SLC2A14: variants seen among roughly 807,000 people sequenced by gnomAD.
The protein encoded by SLC2A14 is solute carrier family 2, facilitated glucose transporter member 14.
Under a neutral mutation model 43.0 loss-of-function variants are expected in SLC2A14, and 13 were observed. The ratio of observed to expected loss-of-function variants is 0.30; its 90% CI spans 0.20 to 0.48. The LOEUF (loss-of-function observed/expected upper bound fraction) is 0.48. Among genes scored for constraint, SLC2A14 ranks in the 20% least tolerant of loss-of-function variants. The probability of loss-of-function intolerance (pLI) is 0.99; values close to 1 mark genes in which losing one functional copy is unlikely to be tolerated. For synonymous variants in SLC2A14, 190 were observed against 233.8 expected (o/e 0.81, Z 1.71); for missense variants, 428 against 620.4 (o/e 0.69, Z 3.29).
rs771847683 is a variant in SLC2A14, at chr12:7,818,005, A to G, written c.1101T>C (p.Cys367=). 1 of 1,614,088 alleles carries G rather than the reference A, an allele frequency of 6.2e-7. No homozygotes were observed. The highest frequency in any genetic ancestry group is 1.3e-5 in the African/African-American group (1 of 75,030). ...CCACAAAGACCAAGATAGCCCCAAT[A>G]CAGACAAAGCTCATCCCATTATAGT... ...KNHYNGMSFV[C]IGAILVFVAC... Residue 367 remains cysteine (C), a synonymous_variant, in exon 10 of 11, where the codon TGT becomes TGC. Transcript: ENST00000431042.
At chr12:7,854,816 T>A (rs1331772492) in intron 2 of SLC2A14, among the ~76,000 whole-genome samples, 2 of 151,484 alleles carry the variant, frequency 1.3e-5, no homozygotes, top group African/African-American at 4.9e-5. Flanking sequence ...TATTATTTTA[T>A]TTTTTATTTT....
chr12:7,831,906 G>A, intron 3 of SLC2A14, 142 bp from the exon 4 acceptor site: 1 of 978,260 alleles, frequency 1.0e-6, no homozygotes, highest in Non-Finnish European at 1.5e-6. Context: ...GTCAGGAGTT[G>A]CAGACCAACC....
intron 3 of SLC2A14, among the ~76,000 whole-genome samples, chr12:7,832,147 T>G (rs917436122): frequency 2.0e-4 from 31 of 152,122 alleles, no homozygotes; most frequent in African/African-American, 6.8e-4. Flanking sequence ...AGGGATCATT[T>G]CCTCCCTAGA....
chr12:7,850,315 C>A (rs748960380), intron 2 of SLC2A14, among the ~76,000 whole-genome samples: 3 of 152,198 alleles, frequency 2.0e-5, no homozygotes, highest in Non-Finnish European at 4.4e-5. Flanking sequence ...AAAGCAAGTT[C>A]GGGGATGCTG....
rs1034120990 is a variant in SLC2A14, at chr12:7,868,975, T to C, written c.18+888A>G. The stretch of plus-strand genomic sequence containing the variant: ...GCCTGACCAACATGGAGAAACCCCA[T>C]CTCTACTAAAAATACAAAATTAGCC... On this transcript the variant is annotated intron_variant, in intron 2 of 10. Coordinates refer to ENST00000431042, the MANE Select transcript of SLC2A14 (RefSeq NM_001286234.2). Among the ~76,000 whole-genome samples the C allele has an allele frequency of 2.6e-5, 4 of 151,730 alleles. No homozygotes were observed. The East Asian group carries it at 5.8e-4, about 22-fold the overall frequency.
chr12:7,867,307 A>C (rs894493120), intron 2 of SLC2A14, among the ~76,000 whole-genome samples: 1 of 130,660 alleles, frequency 7.7e-6, no homozygotes, highest in Non-Finnish European at 1.7e-5. Context: ...AAAACAAAAA[A>C]AACATTCGTG....
At chr12:7,886,883 C>T (rs1592337707) in intron 1 of SLC2A14, among the ~76,000 whole-genome samples, 1 of 151,578 alleles carries the variant, frequency 6.6e-6, no homozygotes, top group Non-Finnish European at 1.5e-5. Context: ...TCATTTATGC[C>T]CATTCCTTCA....
rs1281574447 is a variant in SLC2A14 at position 7,864,901 on chromosome 12, G to A, written c.18+4962C>T. ...CTTTCTTCAGATCTCCTCATGGCCG[G>A]CTCTTTATGTCACTCTGGTTTCTGC... On this transcript the variant is annotated intron_variant, in intron 2 of 10. Transcript: ENST00000431042. Among the ~76,000 whole-genome samples the A allele has an allele frequency of 2.6e-5, 4 of 152,026 alleles. No homozygotes were observed. The East Asian group carries it at 7.7e-4, about 29-fold the overall frequency.
At chr12:7,891,105 C>A in exon 1 of SLC2A14, 1 of 1,534,552 alleles carries the variant, frequency 6.5e-7, no homozygotes, top group South Asian at 1.2e-5. Flanking sequence ...TACTTCTACT[C>A]TCAACAGTTG....
In SLC2A14 at chr12:7,872,707, C is replaced by G. The variant is rs971959546; in HGVS notation, c.-58+100G>C. The G allele has an allele frequency of 3.3e-6, 3 of 912,990 alleles. No individual in the cohort carries two copies. In the African/African-American group the frequency reaches 5.4e-5, roughly 16 times the overall value. 56.6% of individuals were successfully genotyped at this position (912,990 alleles called of 1,614,324 possible). A position where few individuals can be genotyped will look rare whatever the true frequency, so the allele number is the denominator to read the frequency against. ...CTTCTTTCTTAGCCCGGCCCACCTC[C>G]GAGTAGCCGCCCACCTCTACTCTAG... is the stretch of plus-strand genomic sequence containing the variant. On this transcript the variant is annotated intron_variant, in intron 1 of 10. Coordinates refer to ENST00000431042, the MANE Select transcript of SLC2A14 (RefSeq NM_001286234.2).
chr12:7,819,341 T>A (rs1863741126), intron 9 of SLC2A14, 141 bp downstream of exon 9: 2 of 1,457,554 alleles, frequency 1.4e-6, no homozygotes, highest in Non-Finnish European at 1.9e-6. Context: ...CCATGTTTCT[T>A]AAAAACTCTG....
chr12:7,889,755 C>T (rs141185975), intron 1 of SLC2A14, among the ~76,000 whole-genome samples: 2,728 of 151,728 alleles, frequency 0.018, 77 homozygotes, highest in African/African-American at 0.063. Flanking sequence ...AGGCTGGTCT[C>T]GAACTCCTGA....
At chr12:7,858,565 C>T (rs1944377780) in intron 2 of SLC2A14, among the ~76,000 whole-genome samples, 1 of 152,048 alleles carries the variant, frequency 6.6e-6, no homozygotes, top group African/African-American at 2.4e-5. Flanking sequence ...AATGGCATGA[C>T]CTCAGCTCAC....
chr12:7,821,430 C>A, intron 7 of SLC2A14, 105 bp from the exon 8 acceptor site: 1 of 986,266 alleles, frequency 1.0e-6, no homozygotes, highest in Admixed American at 2.0e-5. Flanking sequence ...GGCCTGTAAT[C>A]CCAGCACTTT....
At chr12:7,884,679 T>C (rs1253732925) in intron 1 of SLC2A14, among the ~76,000 whole-genome samples, 3 of 152,164 alleles carry the variant, frequency 2.0e-5, no homozygotes, top group Non-Finnish European at 4.4e-5. Context: ...TGCCCACATG[T>C]TCTTCCTCCT....
intron 2 of SLC2A14, among the ~76,000 whole-genome samples, chr12:7,854,967 G>A (rs754510889): frequency 9.9e-5 from 15 of 151,736 alleles, no homozygotes; most frequent in Non-Finnish European, 2.1e-4. Context: ...CTGCCACCAC[G>A]ACCAGCTAAT....
intron 2 of SLC2A14, among the ~76,000 whole-genome samples, chr12:7,852,661 T>A (rs1867031701): frequency 6.6e-6 from 1 of 152,102 alleles, no homozygotes; most frequent in South Asian, 2.1e-4. Context: ...AAATATGTAA[T>A]CCCTTTCTTG....
chr12:7,870,789 TA>T lies in SLC2A14; in HGVS notation c.-57-853del, dbSNP rs763819111. ...AAATAAATATACTTTTCAAAAAAAG[TA>T]AAGTAGTATGGTCAGCCCAGCTCCA... On this transcript the variant is annotated intron_variant, in intron 1 of 10. Transcript: ENST00000431042. 4.9e-4 allele frequency: 458 copies of T among 928,228 alleles called. 1 individual carries two copies. In the Middle Eastern group the frequency reaches 5.7e-3, roughly 12 times the overall value. 57.5% of individuals were successfully genotyped at this position (928,228 alleles called of 1,614,324 possible).
At chr12:7,884,180 A>C (rs909387752) in intron 1 of SLC2A14, among the ~76,000 whole-genome samples, 4 of 151,986 alleles carry the variant, frequency 2.6e-5, no homozygotes, top group Admixed American at 2.6e-4. Flanking sequence ...TCAGCCTCCC[A>C]AAGTGCTGGG....
Sources: gnomAD v4.1 joint callset for allele counts (sites outside exome capture counted in the v4.1 genomes callset) on GRCh38, gnomAD v4.1.1 for gene constraint, MANE v1.5 for transcripts, NCBI Gene and HGNC (gene_info 2026-07-23, HGNC 2026-07-21) for gene names.